The following PPP1R16B variants were observed in gnomAD, a reference collection of about 807,000 sequenced individuals.
PPP1R16B encodes protein phosphatase 1 regulatory inhibitor subunit 16B.
In PPP1R16B, 14 loss-of-function variants were observed where a neutral mutation model predicts 61.7. The observed-to-expected ratio is 0.23, with a 90% CI of 0.15 to 0.35. The LOEUF is 0.35. PPP1R16B is among the 10% of genes least tolerant of loss of function. The probability of loss-of-function intolerance (pLI) is 1.00; values close to 1 mark genes in which losing one functional copy is unlikely to be tolerated. For synonymous variants in PPP1R16B, 266 were observed against 305.3 expected (o/e 0.87, Z 1.34); for missense variants, 547 against 752.5 (o/e 0.73, Z 3.19).
chr20:38,850,483 T>C (rs1333866043), intron 2 of PPP1R16B, among the ~76,000 whole-genome samples: 2 of 152,238 alleles, frequency 1.3e-5, no homozygotes, highest in Non-Finnish European at 2.9e-5. Flanking sequence ...ATAATTGCAA[T>C]AAGGATTTGC....
chr20:38,896,163 CT>C (rs1375411886), intron 4 of PPP1R16B, among the ~76,000 whole-genome samples: 2 of 108,854 alleles, frequency 1.8e-5, no homozygotes, highest in Non-Finnish European at 3.7e-5. Context: ...TCCTCCCTCC[CT>C]TCCTTCCTTC....
At chr20:38,879,353 C>T (rs1421678266) in intron 2 of PPP1R16B, among the ~76,000 whole-genome samples, 2 of 152,112 alleles carry the variant, frequency 1.3e-5, no homozygotes, top group East Asian at 1.9e-4. Context: ...ATCATCTTCA[C>T]GGTAGCTGAG....
chr20:38,857,245 TCTC>T (rs1473794396), intron 2 of PPP1R16B, among the ~76,000 whole-genome samples: 1 of 152,218 alleles, frequency 6.6e-6, no homozygotes, highest in African/African-American at 2.4e-5. Flanking sequence ...AGTTTCTTCT[TCTC>T]TCTTCTGTCT....
intron 2 of PPP1R16B, among the ~76,000 whole-genome samples, chr20:38,862,411 C>T (rs2085058335): frequency 6.6e-6 from 1 of 152,180 alleles, no homozygotes; most frequent in African/African-American, 2.4e-5. Flanking sequence ...GCTCAGGTCT[C>T]ACAGCTCCGA....
intron 2 of PPP1R16B, among the ~76,000 whole-genome samples, chr20:38,885,087 C>T (rs958181673): frequency 6.9e-6 from 1 of 145,906 alleles, no homozygotes; most frequent in African/African-American, 2.5e-5. Context: ...GGCGTGGTGA[C>T]TCATGCCTTA....
chr20:38,821,642 C>T (rs1367616653), intron 1 of PPP1R16B, among the ~76,000 whole-genome samples: 1 of 152,090 alleles, frequency 6.6e-6, no homozygotes, highest in Admixed American at 6.6e-5. Flanking sequence ...GAGACACCAC[C>T]CAAAGAGGTG....
chr20:38,905,147 A>G (rs1307627089), intron 6 of PPP1R16B, among the ~76,000 whole-genome samples: 1 of 152,250 alleles, frequency 6.6e-6, no homozygotes, highest in Admixed American at 6.5e-5. Context: ...TCTTAAAACA[A>G]TAATAAATAT....
chr20:38,849,162 T>A (rs1397707362), intron 2 of PPP1R16B, among the ~76,000 whole-genome samples: 3 of 152,192 alleles, frequency 2.0e-5, no homozygotes, highest in Non-Finnish European at 4.4e-5. Context: ...GTTTAATGTC[T>A]TAAAAGGAGG....
At position 38,806,068 on chromosome 20, in the gene PPP1R16B, G is replaced by A. The variant is rs1726926169; in HGVS notation, c.-102+276G>A. On this transcript the variant is annotated intron_variant, in intron 1 of 10. Transcript: ENST00000299824. This position sits in a 1 kb window ranked among gnomAD's most constrained non-coding sequence, Gnocchi z 4.5. ...GGCCAGGGGAGGGGGCGCATTGGCA[G>A]GTTGTTGGCTGCGGCCGTCGTAGAC... Among the ~76,000 whole-genome samples the A allele has an allele frequency of 6.6e-6, 1 of 151,992 alleles. No individual in the cohort carries two copies. The highest frequency in any genetic ancestry group is 2.4e-5 in the African/African-American group (1 of 41,396).
chr20:38,857,799 C>T lies in PPP1R16B; in HGVS notation c.250+21624C>T, dbSNP rs749676625. 5.3e-5 allele frequency among the ~76,000 whole-genome samples: 8 copies of T among 151,488 alleles called. No individual in the cohort carries two copies. The South Asian group carries it at 1.0e-3, about 20-fold the overall frequency. ...GCATTGACCCAAGTATCTCTCAGGA[C>T]GCAACTGATGTGGTCAAAATCCCCC... On this transcript the variant is annotated intron_variant, in intron 2 of 10. Transcript: ENST00000299824.
chr20:38,902,643 A>G, intron 5 of PPP1R16B, 25 bp from the exon 6 acceptor site: 6 of 1,614,032 alleles, frequency 3.7e-6, no homozygotes, highest in Non-Finnish European at 5.1e-6. Context: ...AGGGTGCTAA[A>G]TAAATCCCCT....
intron 7 of PPP1R16B, 81 bp from the exon 8 acceptor site, chr20:38,906,898 G>C: frequency 8.5e-7 from 1 of 1,178,298 alleles, no homozygotes; most frequent in African/African-American, 1.5e-5. Flanking sequence ...CACATCCTAA[G>C]AGGCCTTGGG....
chr20:38,880,709 C>A (rs1345268008), intron 2 of PPP1R16B, among the ~76,000 whole-genome samples: 1 of 152,138 alleles, frequency 6.6e-6, no homozygotes, highest in Non-Finnish European at 1.5e-5. Context: ...TTTTGTTTAT[C>A]TATTCATTAG....
intron 4 of PPP1R16B, among the ~76,000 whole-genome samples, chr20:38,900,376 C>T (rs1247892850): frequency 6.6e-6 from 1 of 152,208 alleles, no homozygotes; most frequent in Non-Finnish European, 1.5e-5. Context: ...TCTCTTCCCA[C>T]CTGGGACCCT....
intron 2 of PPP1R16B, among the ~76,000 whole-genome samples, chr20:38,851,968 G>T (rs1276473441): frequency 2.0e-5 from 3 of 152,242 alleles, no homozygotes; most frequent in Non-Finnish European, 4.4e-5. Flanking sequence ...ATGTGGGCAA[G>T]GCTGCAGTAA....
intron 2 of PPP1R16B, among the ~76,000 whole-genome samples, chr20:38,854,334 G>T (rs2084989205): frequency 6.6e-6 from 1 of 152,198 alleles, no homozygotes; most frequent in South Asian, 2.1e-4. Context: ...CCTATTAGCT[G>T]CATAGACACA....
chr20:38,885,557 G>A (rs2085238625), intron 2 of PPP1R16B, among the ~76,000 whole-genome samples: 1 of 152,172 alleles, frequency 6.6e-6, no homozygotes, highest in Non-Finnish European at 1.5e-5. Flanking sequence ...AGAGTAGAAT[G>A]GTCCACTGGC....
chr20:38,835,921 T>C lies in PPP1R16B; in HGVS notation c.-5T>C. ...CCAGCCAGGGCGTTGGGGAGGGCGGTGGCCATGGCCAGTCACGTGGACCTG... is the reference window on the plus strand; with the variant it reads ...CCAGCCAGGGCGTTGGGGAGGGCGGCGGCCATGGCCAGTCACGTGGACCTG... On this transcript the variant is annotated 5_prime_UTR_variant, in exon 2 of 11. Coordinates refer to ENST00000299824, the MANE Select transcript of PPP1R16B (RefSeq NM_015568.4). 1.3e-6 allele frequency: 2 copies of C among 1,534,976 alleles called. No homozygotes were observed. Among genetic ancestry groups the C allele is most frequent in the Non-Finnish European group, 1.8e-6 (2 of 1,142,666 alleles).
chr20:38,866,926 C>T, intron 2 of PPP1R16B, among the ~76,000 whole-genome samples: 1 of 152,208 alleles, frequency 6.6e-6, no homozygotes, highest in East Asian at 1.9e-4. Context: ...CCCCAGTTTC[C>T]TCTTCCCCCT....
Sources: gnomAD v4.1 joint callset for allele counts (sites outside exome capture counted in the v4.1 genomes callset) on GRCh38, gnomAD v4.1.1 for gene constraint, Gnocchi (gnomAD v3.1) non-coding constraint, MANE v1.5 for transcripts, NCBI Gene and HGNC (gene_info 2026-07-23, HGNC 2026-07-21) for gene names.